CCDC192: variants seen among roughly 807,000 people sequenced by gnomAD.
The protein encoded by CCDC192 is coiled-coil domain containing 192, also known as coiled-coil domain-containing protein 192.
chr5:127,752,423 T>C (rs536637449), intron 2 of CCDC192, among the ~76,000 whole-genome samples: 22 of 152,278 alleles, frequency 1.4e-4, no homozygotes, highest in Non-Finnish European at 2.8e-4. Flanking sequence ...GTTAGGCTGC[T>C]CGGGGGTCAG....
At chr5:127,895,768 G>A (rs914492834) in intron 6 of CCDC192, among the ~76,000 whole-genome samples, 3 of 151,848 alleles carry the variant, frequency 2.0e-5, no homozygotes, top group African/African-American at 7.3e-5. Flanking sequence ...TGAAGCCTGG[G>A]AGGCAGATGT....
chr5:127,742,971 T>C (rs1460161626), intron 2 of CCDC192, among the ~76,000 whole-genome samples: 1 of 152,122 alleles, frequency 6.6e-6, no homozygotes, highest in Admixed American at 6.5e-5. Flanking sequence ...TTTTTTTGTT[T>C]CCTCCTCCCT....
chr5:127,812,442 T>C (rs1252215175), intron 5 of CCDC192, among the ~76,000 whole-genome samples: 2 of 152,310 alleles, frequency 1.3e-5, no homozygotes, highest in East Asian at 3.9e-4. Context: ...CTCATTAATG[T>C]TGATGGTGAT....
chr5:127,845,301 A>T (rs1750483598), intron 5 of CCDC192, among the ~76,000 whole-genome samples: 1 of 152,164 alleles, frequency 6.6e-6, no homozygotes, highest in Non-Finnish European at 1.5e-5. Flanking sequence ...CCCTTTCAAG[A>T]CATGTGGCCA....
At chr5:127,707,298 A>T (rs997292431) in intron 1 of CCDC192, among the ~76,000 whole-genome samples, 18 of 151,414 alleles carry the variant, frequency 1.2e-4, no homozygotes, top group African/African-American at 4.4e-4. Flanking sequence ...AGCTAATGGA[A>T]ATGATCCAGG....
At chr5:127,920,567 C>A (rs1432471033) in intron 6 of CCDC192, among the ~76,000 whole-genome samples, 2 of 151,796 alleles carry the variant, frequency 1.3e-5, no homozygotes, top group Non-Finnish European at 2.9e-5. Context: ...CTTGCCACCA[C>A]ACCTGGCTAA....
intron 6 of CCDC192, among the ~76,000 whole-genome samples, chr5:127,887,948 C>T (rs1460746599): frequency 1.3e-5 from 2 of 151,964 alleles, no homozygotes; most frequent in African/African-American, 4.8e-5. Flanking sequence ...CGTGATCCAC[C>T]CGCCTCGGCC....
At chr5:127,939,110 C>CTTTTTTTTT (rs59545987) in intron 6 of CCDC192, among the ~76,000 whole-genome samples, 8 of 83,650 alleles carry the variant, frequency 9.6e-5, no homozygotes, top group Non-Finnish European at 1.1e-4. Context: ...AAACCAACAT[C>CTTTTTTTTT]TTTTTTTTTT....
intron 3 of CCDC192, among the ~76,000 whole-genome samples, chr5:127,780,475 C>T (rs1286537225): frequency 6.6e-6 from 1 of 152,148 alleles, no homozygotes; most frequent in East Asian, 1.9e-4. Context: ...TGCATCCATG[C>T]CAACATCTAC....
intron 5 of CCDC192, among the ~76,000 whole-genome samples, chr5:127,874,370 G>A (rs1305892648): frequency 6.6e-6 from 1 of 152,170 alleles, no homozygotes; most frequent in Non-Finnish European, 1.5e-5. Context: ...AACCTGATCT[G>A]GGTGACCTCC....
At chr5:127,798,309 A>G (rs1172171731) in intron 5 of CCDC192, 147 bp downstream of exon 5, 1 of 388,956 alleles carries the variant, frequency 2.6e-6, no homozygotes, top group African/African-American at 2.1e-5. Flanking sequence ...CTGCGTCTAC[A>G]CAGTTTCTTT....
intron 3 of CCDC192, among the ~76,000 whole-genome samples, chr5:127,771,598 A>G (rs1197815551): frequency 6.6e-6 from 1 of 152,228 alleles, no homozygotes; most frequent in Non-Finnish European, 1.5e-5. Flanking sequence ...TACAGAAATT[A>G]CAGGAGCAAA....
At chr5:127,844,916 C>T (rs115547703) in intron 5 of CCDC192, among the ~76,000 whole-genome samples, 7 of 152,258 alleles carry the variant, frequency 4.6e-5, no homozygotes, top group Non-Finnish European at 7.4e-5. Flanking sequence ...ACCATTTCAG[C>T]GGAATTGACT....
chr5:127,780,075 T>C (rs1005455151), intron 3 of CCDC192, among the ~76,000 whole-genome samples: 1 of 152,188 alleles, frequency 6.6e-6, no homozygotes, highest in Non-Finnish European at 1.5e-5. Flanking sequence ...TTCCTTTTTA[T>C]GGCTGAGTAG....
intron 5 of CCDC192, among the ~76,000 whole-genome samples, chr5:127,850,479 C>T (rs932096914): frequency 6.6e-6 from 1 of 152,126 alleles, no homozygotes; most frequent in African/African-American, 2.4e-5. Flanking sequence ...TTACCTATAA[C>T]AAGGAAATTC....
intron 5 of CCDC192, among the ~76,000 whole-genome samples, chr5:127,845,852 G>A (rs1022936574): frequency 1.3e-5 from 2 of 152,258 alleles, no homozygotes; most frequent in Admixed American, 6.5e-5. Flanking sequence ...TATCATTCCT[G>A]TGTATCATAA....
chr5:127,845,365 T>C (rs539314778), intron 5 of CCDC192, among the ~76,000 whole-genome samples: 1 of 152,282 alleles, frequency 6.6e-6, no homozygotes, highest in South Asian at 2.1e-4. Flanking sequence ...AGAAGGTGGT[T>C]CTTTTGTTGA....
At chr5:127,864,561 T>C (rs896307367) in intron 5 of CCDC192, among the ~76,000 whole-genome samples, 2 of 152,220 alleles carry the variant, frequency 1.3e-5, no homozygotes, top group Non-Finnish European at 2.9e-5. Flanking sequence ...AGATAGTCCT[T>C]GAATCCAACA....
chr5:127,746,792 G>C (rs2126853058), intron 2 of CCDC192, among the ~76,000 whole-genome samples: 1 of 152,226 alleles, frequency 6.6e-6, no homozygotes, highest in South Asian at 2.1e-4. Context: ...TGTGGAGCCA[G>C]GCTGTTGGTG....
Sources: gnomAD v4.1 joint callset for allele counts (sites outside exome capture counted in the v4.1 genomes callset) on GRCh38, gnomAD v4.1.1 for gene constraint, MANE v1.5 for transcripts, NCBI Gene and HGNC (gene_info 2026-07-23, HGNC 2026-07-21) for gene names.